The following NALCN variants were observed in gnomAD, a reference collection of about 807,000 sequenced individuals.
The protein encoded by NALCN is sodium leak channel NALCN.
In NALCN, 111 loss-of-function variants were observed where a neutral mutation model predicts 225.3. The observed-to-expected ratio is 0.49, with a 90% CI of 0.42 to 0.58. The LOEUF is 0.58. Ranked by LOEUF, NALCN falls within the 20% of genes least tolerant of loss-of-function variation. The pLI is 0.00. For synonymous variants in NALCN, 764 were observed against 769.0 expected (o/e 0.99, Z 0.11); for missense variants, 1,378 against 2,202.4 (o/e 0.63, Z 7.49).
chr13:101,224,438 A>C lies in NALCN; in HGVS notation c.1626+4955T>G, dbSNP rs113432028. On this transcript the variant is annotated intron_variant, in intron 13 of 43. Coordinates refer to ENST00000251127, the MANE Select transcript of NALCN (RefSeq NM_052867.4). ...CTTTTTGATTGTTTCTTTCAATATA[A>C]ATTCCCTAATCATATCAACCTCACC... 3.4e-3 allele frequency among the ~76,000 whole-genome samples: 525 copies of C among 152,222 alleles called. 3 individuals are homozygous for C. Among genetic ancestry groups the C allele is most frequent in the African/African-American group, 0.011 (472 of 41,540 alleles).
intron 1 of NALCN, among the ~76,000 whole-genome samples, chr13:101,404,784 C>T (rs1422536155): frequency 6.6e-6 from 1 of 152,196 alleles, no homozygotes; most frequent in Non-Finnish European, 1.5e-5. Context: ...TACACATGTG[C>T]AGAAAATCCT....
chr13:101,269,787 C>G (rs765957591), intron 10 of NALCN, among the ~76,000 whole-genome samples: 3 of 152,152 alleles, frequency 2.0e-5, no homozygotes, highest in Non-Finnish European at 4.4e-5. Context: ...GTGGCAGTCA[C>G]CAGGGCTGTC....
chr13:101,099,513 A>T (rs1431939561), intron 27 of NALCN, among the ~76,000 whole-genome samples: 1 of 152,120 alleles, frequency 6.6e-6, no homozygotes, highest in East Asian at 1.9e-4. Flanking sequence ...GAACTGAGGC[A>T]TCATTTTATT....
intron 42 of NALCN, chr13:101,058,415 G>T: frequency 5.2e-6 from 1 of 194,016 alleles, no homozygotes; most frequent in Admixed American, 5.3e-5. Flanking sequence ...GTGGGGACGG[G>T]CTGGGCGGGG....
At chr13:101,239,458 G>A (rs1249305081) in intron 11 of NALCN, among the ~76,000 whole-genome samples, 1 of 151,968 alleles carries the variant, frequency 6.6e-6, no homozygotes, top group East Asian at 1.9e-4. Context: ...ATTTGGGTAT[G>A]CAGGAATATT....
chr13:101,340,470 T>A (rs980950310), intron 7 of NALCN, among the ~76,000 whole-genome samples: 4 of 152,206 alleles, frequency 2.6e-5, no homozygotes, highest in African/African-American at 9.6e-5. Context: ...ACATTCATAT[T>A]TTGCCCGTGC....
chr13:101,375,209 T>A (rs908665523), intron 6 of NALCN, among the ~76,000 whole-genome samples: 1 of 152,194 alleles, frequency 6.6e-6, no homozygotes, highest in African/African-American at 2.4e-5. Context: ...AACAAAATAA[T>A]GACAGCTGGC....
At chr13:101,312,846 G>A (rs1191430071) in intron 7 of NALCN, among the ~76,000 whole-genome samples, 14 of 152,046 alleles carry the variant, frequency 9.2e-5, no homozygotes, top group African/African-American at 1.4e-4. Context: ...AAGTTCATAT[G>A]GAACCAAAAA....
At chr13:101,282,379 T>C (rs141030911) in intron 10 of NALCN, among the ~76,000 whole-genome samples, 9 of 152,224 alleles carry the variant, frequency 5.9e-5, no homozygotes, top group African/African-American at 2.2e-4. Context: ...CTGGAGGACG[T>C]TATGCTAAGT....
At chr13:101,348,013 A>G in intron 6 of NALCN, among the ~76,000 whole-genome samples, 1 of 152,222 alleles carries the variant, frequency 6.6e-6, no homozygotes, top group East Asian at 1.9e-4. Context: ...TATATGGATC[A>G]CCTAGTTCTT....
At chr13:101,295,481 T>C (rs775937861) in intron 7 of NALCN, among the ~76,000 whole-genome samples, 1 of 152,204 alleles carries the variant, frequency 6.6e-6, no homozygotes, top group African/African-American at 2.4e-5. Context: ...TCCCTCTCCC[T>C]GTCCAGATCT....
At chr13:101,174,533 A>G (rs2038878826) in intron 15 of NALCN, among the ~76,000 whole-genome samples, 1 of 152,182 alleles carries the variant, frequency 6.6e-6, no homozygotes, top group Non-Finnish European at 1.5e-5. Context: ...TGAAATGCCT[A>G]TTGTGACCAC....
chr13:101,191,386 C>T (rs2039672888), intron 14 of NALCN, among the ~76,000 whole-genome samples: 1 of 151,926 alleles, frequency 6.6e-6, no homozygotes, highest in Non-Finnish European at 1.5e-5. Context: ...TTTTCTTGTG[C>T]TTTTACAATA....
At chr13:101,198,726 A>G (rs2039990371) in intron 13 of NALCN, among the ~76,000 whole-genome samples, 1 of 152,232 alleles carries the variant, frequency 6.6e-6, no homozygotes, top group Non-Finnish European at 1.5e-5. Context: ...TGTGGAAGTC[A>G]GTGTGGCAAT....
At chr13:101,304,542 C>T (rs941255439) in intron 7 of NALCN, among the ~76,000 whole-genome samples, 17 of 151,998 alleles carry the variant, frequency 1.1e-4, no homozygotes, top group South Asian at 2.1e-4. Flanking sequence ...CTTCAATCTC[C>T]GCCTGGGATT....
At chr13:101,196,160 A>AT (rs958486337) in intron 13 of NALCN, among the ~76,000 whole-genome samples, 225 of 150,946 alleles carry the variant, frequency 1.5e-3, no homozygotes, top group African/African-American at 4.8e-3. Flanking sequence ...TATTTGAGCC[A>AT]TTTTTTTTTA....
chr13:101,360,331 C>A (rs1240549369), intron 6 of NALCN, among the ~76,000 whole-genome samples: 4 of 151,660 alleles, frequency 2.6e-5, no homozygotes, highest in African/African-American at 4.8e-5. Context: ...CCTCCCGGCT[C>A]CAACGATTCT....
At chr13:101,110,775 C>CT in intron 19 of NALCN, 87 bp from the exon 20 acceptor site, 2 of 1,321,436 alleles carry the variant, frequency 1.5e-6, no homozygotes, top group Non-Finnish European at 2.2e-6. Flanking sequence ...AAATAAAACA[C>CT]TTTTTCTGCT....
intron 7 of NALCN, among the ~76,000 whole-genome samples, chr13:101,332,397 C>CAAAAAAAAA (rs753158247): frequency 5.7e-4 from 33 of 57,794 alleles, no homozygotes; most frequent in African/African-American, 6.9e-4. Context: ...TTCACAAAGC[C>CAAAAAAAAA]AAAAAAAAAA....
Sources: allele counts gnomAD v4.1 joint callset (sites outside exome capture counted in the v4.1 genomes callset), GRCh38; gene constraint gnomAD v4.1.1; transcripts MANE v1.5; gene names NCBI Gene and HGNC (gene_info 2026-07-23, HGNC 2026-07-21).